Variants in XPR1 observed in about 807,000 individuals in gnomAD.
XPR1 encodes xenotropic and polytropic retrovirus receptor 1.
Under a neutral mutation model 87.5 loss-of-function variants are expected in XPR1, and 28 were observed. That is an observed-to-expected ratio of 0.32 (90% confidence interval 0.24 to 0.44). The LOEUF is 0.44. Ranked by LOEUF, XPR1 falls within the 20% of genes least tolerant of loss-of-function variation. XPR1 has a pLI of 1.00. For synonymous variants in XPR1, 300 were observed against 306.1 expected (o/e 0.98, Z 0.21); for missense variants, 559 against 862.3 (o/e 0.65, Z 4.41).
chr1:180,816,261 C>T (rs1040779358), intron 7 of XPR1, among the ~76,000 whole-genome samples: 2 of 152,178 alleles, frequency 1.3e-5, no homozygotes, highest in Admixed American at 6.5e-5. Flanking sequence ...TCATAAGGAG[C>T]GCGCAACCTA....
chr1:180,748,325 A>G (rs1047166321), intron 2 of XPR1, among the ~76,000 whole-genome samples: 1 of 148,716 alleles, frequency 6.7e-6, no homozygotes, highest in Non-Finnish European at 1.5e-5. Context: ...TAAATAGGTT[A>G]TATTAAAAGC....
At chr1:180,711,621 A>AG (rs968437881) in intron 2 of XPR1, among the ~76,000 whole-genome samples, 7 of 150,060 alleles carry the variant, frequency 4.7e-5, no homozygotes, top group Admixed American at 1.3e-4. Flanking sequence ...GGAGAGGGAG[A>AG]GGGGGGAGAG....
In XPR1 at chr1:180,632,285, G is replaced by T. The variant is rs745825410; in HGVS notation, c.69+15G>T. 1 of 1,609,288 alleles carries T rather than the reference G, an allele frequency of 6.2e-7. No homozygotes were observed. Among genetic ancestry groups the T allele is most frequent in the South Asian group, 1.1e-5 (1 of 90,298 alleles). ...TCCAGTATGAGGTACCGGCACGGCTGGGGTGTGGGAGGACTCGGAGGGGCC... is the reference window on the plus strand; with the variant it reads ...TCCAGTATGAGGTACCGGCACGGCTTGGGTGTGGGAGGACTCGGAGGGGCC... On this transcript the variant is annotated intron_variant, in intron 1 of 14. Coordinates refer to ENST00000367590, the MANE Select transcript of XPR1 (RefSeq NM_004736.4).
Position 180,637,697 on chromosome 1 carries a change from G to A in XPR1, c.69+5427G>A, listed in dbSNP as rs188033112. On this transcript the variant is annotated intron_variant, in intron 1 of 14. Coordinates refer to ENST00000367590, the MANE Select transcript of XPR1 (RefSeq NM_004736.4). ...GCTTCCCAAGTAGCTGGCATTACAGGCGCGCGCAACTACATCCAGCTAATT... is the reference window on the plus strand; with the variant it reads ...GCTTCCCAAGTAGCTGGCATTACAGACGCGCGCAACTACATCCAGCTAATT... Among the ~76,000 whole-genome samples, 879 of 152,200 alleles carry A rather than the reference G, an allele frequency of 5.8e-3. 6 individuals carry two copies. The highest frequency in any genetic ancestry group is 9.3e-3 in the Non-Finnish European group (632 of 68,016).
chr1:180,727,152 C>T (rs937029967), intron 2 of XPR1, among the ~76,000 whole-genome samples: 11 of 152,024 alleles, frequency 7.2e-5, no homozygotes, highest in Non-Finnish European at 1.0e-4. Flanking sequence ...CGTGAGCCAC[C>T]GCGCCTGGCT....
intron 1 of XPR1, among the ~76,000 whole-genome samples, chr1:180,654,267 T>C (rs1655380164): frequency 6.6e-6 from 1 of 152,154 alleles, no homozygotes; most frequent in Non-Finnish European, 1.5e-5. Context: ...AAAACTACTT[T>C]CTTGCAAGTT....
chr1:180,777,131 G>A (rs983255871), intron 2 of XPR1, among the ~76,000 whole-genome samples: 7 of 152,092 alleles, frequency 4.6e-5, no homozygotes, highest in Non-Finnish European at 8.8e-5. Flanking sequence ...TAGGTAGTTG[G>A]CAACAGAACC....
intron 11 of XPR1, among the ~76,000 whole-genome samples, chr1:180,843,959 T>C (rs1328997016): frequency 6.6e-6 from 1 of 152,196 alleles, no homozygotes; most frequent in African/African-American, 2.4e-5. Flanking sequence ...ACACCTGTAA[T>C]CCCAGCACTT....
chr1:180,734,988 T>C (rs1412460553), intron 2 of XPR1, among the ~76,000 whole-genome samples: 1 of 152,238 alleles, frequency 6.6e-6, no homozygotes, highest in Non-Finnish European at 1.5e-5. Flanking sequence ...GAATTCTTTA[T>C]CTGTAATGAG....
intron 2 of XPR1, among the ~76,000 whole-genome samples, chr1:180,763,298 C>T (rs1175919206): frequency 6.6e-6 from 1 of 152,164 alleles, no homozygotes; most frequent in African/African-American, 2.4e-5. Flanking sequence ...ACTGGGAACA[C>T]AGTGACTAAA....
chr1:180,829,791 T>C (rs548395914), intron 9 of XPR1, among the ~76,000 whole-genome samples: 1 of 152,292 alleles, frequency 6.6e-6, no homozygotes, highest in East Asian at 1.9e-4. Context: ...TTTTTTCATT[T>C]TCTCTTTTTG....
chr1:180,791,505 G>T (rs1364070237), intron 3 of XPR1, among the ~76,000 whole-genome samples: 1 of 152,088 alleles, frequency 6.6e-6, no homozygotes, highest in East Asian at 1.9e-4. Flanking sequence ...TCGAACTCCT[G>T]ACCTCAGGTG....
chr1:180,701,408 TGA>T (rs1438785846), intron 2 of XPR1, among the ~76,000 whole-genome samples: 1 of 119,004 alleles, frequency 8.4e-6, no homozygotes, highest in African/African-American at 4.1e-5. Flanking sequence ...CCTAATTTAT[TGA>T]GAGTTTTTAG....
intron 1 of XPR1, among the ~76,000 whole-genome samples, chr1:180,658,248 CTTCT>C (rs1655606864): frequency 6.6e-6 from 1 of 152,160 alleles, no homozygotes; most frequent in African/African-American, 2.4e-5. Flanking sequence ...AATAGTTTGA[CTTCT>C]TTCTTTCTAG....
chr1:180,822,308 T>C (rs959411315), intron 7 of XPR1, among the ~76,000 whole-genome samples: 6 of 152,218 alleles, frequency 3.9e-5, no homozygotes, highest in African/African-American at 1.4e-4. Flanking sequence ...AGGCCCTTTG[T>C]ACTTTCCCTC....
rs1403627284 is a variant in XPR1 at position 180,656,609 on chromosome 1, GTATAA to G, written c.69+24344_69+24348del. Among the ~76,000 whole-genome samples the G allele has an allele frequency of 5.8e-3, 394 of 67,768 alleles. 2 individuals are homozygous for G. Among genetic ancestry groups the G allele is most frequent in the African/African-American group, 0.021 (380 of 18,484 alleles). The allele number at this position is 67,768 out of a possible 152,430, so 44.5% of individuals were successfully genotyped here. On this transcript the variant is annotated intron_variant, in intron 1 of 14. Transcript: ENST00000367590. ...TATAATATATATTTTATATATGTAT[GTATAA>G]TATATTTTATATATGTATGTATAAT...
chr1:180,739,134 T>C, intron 2 of XPR1, among the ~76,000 whole-genome samples: 1 of 152,214 alleles, frequency 6.6e-6, no homozygotes, highest in East Asian at 1.9e-4. Context: ...AAAGAGTCTC[T>C]CTCCCTTCTC....
chr1:180,834,634 A>G (rs1448042700), intron 9 of XPR1, among the ~76,000 whole-genome samples: 1 of 152,182 alleles, frequency 6.6e-6, no homozygotes, highest in Admixed American at 6.5e-5. Flanking sequence ...CTGTTTTCTA[A>G]CTATAGTTAT....
At chr1:180,731,247 GT>G (rs1315152766) in intron 2 of XPR1, among the ~76,000 whole-genome samples, 8 of 152,164 alleles carry the variant, frequency 5.3e-5, no homozygotes. Flanking sequence ...AACACCAGAG[GT>G]TTGGTCTAGG....
Sources: gnomAD v4.1 joint callset for allele counts (sites outside exome capture counted in the v4.1 genomes callset) on GRCh38, gnomAD v4.1.1 for gene constraint, MANE v1.5 for transcripts, NCBI Gene and HGNC (gene_info 2026-07-23, HGNC 2026-07-21) for gene names.